GUCY2F: variants seen among roughly 807,000 people sequenced by gnomAD.
GUCY2F encodes the protein retinal guanylyl cyclase 2.
In GUCY2F, 61 loss-of-function variants were observed where a neutral mutation model predicts 73.1. The observed-to-expected ratio is 0.83, with a 90% CI of 0.68 to 1.03. The LOEUF is 1.03. GUCY2F is among the 50% of genes least tolerant of loss of function. GUCY2F has a pLI of 0.00. For synonymous variants in GUCY2F, 331 were observed against 307.8 expected (o/e 1.08, Z -0.79); for missense variants, 912 against 854.3 (o/e 1.07, Z -0.84).
intron 19 of GUCY2F, among the ~76,000 whole-genome samples, chrX:109,375,446 G>A (rs1930154842): frequency 9.0e-6 from 1 of 111,384 alleles, no homozygotes; most frequent in African/African-American, 3.3e-5. Context: ...GCCTCCGGAG[G>A]AAATGACATA....
chrX:109,411,916 G>C (rs1312396654), intron 8 of GUCY2F, among the ~76,000 whole-genome samples: 1 of 111,825 alleles, frequency 8.9e-6, no homozygotes, highest in Admixed American at 9.4e-5. Flanking sequence ...TTAGAAGAAA[G>C]GCCAGGAAGT....
At chrX:109,397,259 G>T (rs1311567830) in intron 11 of GUCY2F, among the ~76,000 whole-genome samples, 1 of 110,798 alleles carries the variant, frequency 9.0e-6, no homozygotes, top group Non-Finnish European at 1.9e-5. Flanking sequence ...AGTGACAGAA[G>T]ATAAGCCTGG....
intron 7 of GUCY2F, among the ~76,000 whole-genome samples, chrX:109,436,734 A>G (rs1403096099): frequency 9.4e-6 from 1 of 106,621 alleles, no homozygotes; most frequent in Non-Finnish European, 1.9e-5. Context: ...CAATTGAACA[A>G]TGAGAGCACA....
At chrX:109,476,789 A>G (rs759619280) in intron 1 of GUCY2F, among the ~76,000 whole-genome samples, 42 of 109,202 alleles carry the variant, frequency 3.8e-4, no homozygotes, top group Non-Finnish European at 7.4e-4. Context: ...CTATATATAT[A>G]TGTGTGTGTG....
At chrX:109,447,423 C>T (rs1932039504) in intron 6 of GUCY2F, among the ~76,000 whole-genome samples, 1 of 110,735 alleles carries the variant, frequency 9.0e-6, no homozygotes, top group African/African-American at 3.3e-5. Context: ...GGCACATATA[C>T]ACCATGGAAT....
chrX:109,421,165 T>C (rs1182375204), intron 8 of GUCY2F, among the ~76,000 whole-genome samples: 1 of 111,318 alleles, frequency 9.0e-6, no homozygotes, highest in East Asian at 2.8e-4. Flanking sequence ...GATTGTAAAA[T>C]GGTGCAACTG....
At chrX:109,377,666 GA>G (rs1930210299) in intron 17 of GUCY2F, among the ~76,000 whole-genome samples, 1 of 111,478 alleles carries the variant, frequency 9.0e-6, no homozygotes, top group Non-Finnish European at 1.9e-5. Context: ...TCTTATTTTG[GA>G]AAAACATGCT....
At chrX:109,444,573 CT>C (rs1345754699) in intron 6 of GUCY2F, among the ~76,000 whole-genome samples, 1 of 111,992 alleles carries the variant, frequency 8.9e-6, no homozygotes, top group Non-Finnish European at 1.9e-5. Flanking sequence ...CACTAGCTAG[CT>C]TTGACAGTAC....
At chrX:109,399,329 C>G (rs1192583688) in intron 10 of GUCY2F, among the ~76,000 whole-genome samples, 1 of 112,342 alleles carries the variant, frequency 8.9e-6, no homozygotes, top group African/African-American at 3.2e-5. Flanking sequence ...GTCGGAAACA[C>G]AGACATATGC....
At position 109,436,406 on chromosome X, in the gene GUCY2F, A is replaced by C. The variant is rs772559947; in HGVS notation, c.1701+4945T>G. On this transcript the variant is annotated intron_variant, in intron 7 of 19. Coordinates refer to ENST00000218006, the MANE Select transcript of GUCY2F (RefSeq NM_001522.3). ...TCCTCAGGGATCTAGAACTAGAAAT[A>C]CCATTTGACCCAGCCATCCCATTAC... Among the ~76,000 whole-genome samples, 10 of 110,900 alleles carry C rather than the reference A, an allele frequency of 9.0e-5. No individual in the cohort carries two copies. In the South Asian group the frequency reaches 3.9e-3, roughly 43 times the overall value.
intron 1 of GUCY2F, among the ~76,000 whole-genome samples, chrX:109,480,513 CT>C (rs1385848743): frequency 9.0e-6 from 1 of 111,544 alleles, no homozygotes; most frequent in Non-Finnish European, 1.9e-5. Flanking sequence ...ACTGTCCATT[CT>C]AGGTGTAAGG....
In GUCY2F at chrX:109,475,855, C is replaced by T; in HGVS notation, c.82G>A (p.Ala28Thr). The stretch of plus-strand genomic sequence containing the variant: ...AAGCACCACAGGAACTTGGCAGATG[C>T]AAGGCCATGGTGTCCCAGCAGTTTC... ...FRKLLGHHGLASAKFLWCLCL... is the reference protein window; with the variant it reads ...FRKLLGHHGLTSAKFLWCLCL... Residue 28 changes from alanine (A) to threonine (T), a missense_variant, in exon 2 of 20, where the codon GCA (alanine) becomes ACA (threonine). Transcript: ENST00000218006. The T allele has an allele frequency of 8.3e-7, 1 of 1,210,819 alleles. No homozygotes were observed. Among genetic ancestry groups the T allele is most frequent in the South Asian group, 1.8e-5 (1 of 56,892 alleles).
intron 1 of GUCY2F, among the ~76,000 whole-genome samples, chrX:109,480,083 A>G (rs1932755920): frequency 9.0e-6 from 1 of 111,558 alleles, no homozygotes; most frequent in South Asian, 3.7e-4. Context: ...AAGAGGAGAT[A>G]TGGAGCACAA....
chrX:109,400,915 G>C (rs1251139058), intron 10 of GUCY2F, among the ~76,000 whole-genome samples: 1 of 112,236 alleles, frequency 8.9e-6, no homozygotes, highest in African/African-American at 3.2e-5. Context: ...ATGAATATTT[G>C]AGAGCAGGAA....
chrX:109,478,110 A>G lies in GUCY2F; in HGVS notation c.-85-2089T>C, dbSNP rs1932732452. Among the ~76,000 whole-genome samples, 5 of 112,084 alleles carry G rather than the reference A, an allele frequency of 4.5e-5. No individual in the cohort carries two copies. The South Asian group carries it at 1.9e-3, about 42-fold the overall frequency. ...CAAATTTATTCCTAGGCCCTCAAAG[A>G]TAATCCAGTCTAACCTGCCTCCAAA... is the stretch of plus-strand genomic sequence containing the variant. On this transcript the variant is annotated intron_variant, in intron 1 of 19. Transcript: ENST00000218006.
At chrX:109,447,333 T>G (rs1198689011) in intron 6 of GUCY2F, among the ~76,000 whole-genome samples, 1 of 110,913 alleles carries the variant, frequency 9.0e-6, no homozygotes, top group Non-Finnish European at 1.9e-5. Flanking sequence ...CACGTATGTT[T>G]ATTGAGGCAC....
chrX:109,391,766 T>A (rs1182534223), intron 14 of GUCY2F, 145 bp downstream of exon 14: 12 of 347,441 alleles, frequency 3.5e-5, no homozygotes, highest in Non-Finnish European at 5.5e-5. Context: ...TCCAGTGATA[T>A]ACCAATGGAA....
In GUCY2F at chrX:109,477,323, T is replaced by C. The variant is rs143080359; in HGVS notation, c.-85-1302A>G. The stretch of plus-strand genomic sequence containing the variant: ...CAGACCTAGGAAACTGATTGGAAAA[T>C]GGCACAAGTCTCTGAGATAGGAAAC... On this transcript the variant is annotated intron_variant, in intron 1 of 19. Transcript: ENST00000218006. Among the ~76,000 whole-genome samples, 144 of 111,588 alleles carry C rather than the reference T, an allele frequency of 1.3e-3. 1 individual carries two copies. In the Middle Eastern group the frequency reaches 0.019, roughly 14 times the overall value.
At chrX:109,417,139 T>A (rs1387910792) in intron 8 of GUCY2F, among the ~76,000 whole-genome samples, 1 of 111,176 alleles carries the variant, frequency 9.0e-6, no homozygotes, top group East Asian at 2.8e-4. Flanking sequence ...AGAGAAAAGA[T>A]GCTAAATGGT....
Sources: allele counts gnomAD v4.1 joint callset (sites outside exome capture counted in the v4.1 genomes callset), GRCh38; gene constraint gnomAD v4.1.1; transcripts MANE v1.5; gene names NCBI Gene and HGNC (gene_info 2026-07-23, HGNC 2026-07-21).